The following PCDHGA6 variants were observed in gnomAD, a reference collection of about 807,000 sequenced individuals.
PCDHGA6 encodes protocadherin gamma subfamily A, 6.
PCDHGA6 carries 41 observed loss-of-function variants against 60.6 expected under a neutral mutation model. The ratio of observed to expected loss-of-function variants is 0.68; its 90% confidence interval spans 0.53 to 0.88. PCDHGA6 has a LOEUF of 0.88. Ranked by LOEUF, PCDHGA6 falls within the 40% of genes least tolerant of loss-of-function variation. PCDHGA6 has a pLI of 0.00. For missense variants in PCDHGA6, 1,312 were observed against 1,203.0 expected, an observed-to-expected ratio of 1.09 and a Z score of -1.34; for synonymous variants, 594 against 524.4, an observed-to-expected ratio of 1.13 and a Z score of -1.81.
chr5:141,485,279 C>T lies in PCDHGA6; in HGVS notation c.2425-9528C>T. 1 of 1,614,108 alleles carries T rather than the reference C, an allele frequency of 6.2e-7. No individual in the cohort carries two copies. Among genetic ancestry groups the T allele is most frequent in the Non-Finnish European group, 8.5e-7 (1 of 1,179,966 alleles). ...TTGTGGGCAGATCCGCTACCCGGTC[C>T]CAGAGGAGTCACAGGAAGGGACTTT... On this transcript the variant is annotated intron_variant, in intron 1 of 3. Transcript: ENST00000517434. The surrounding 1 kb of genome is among the most constrained non-coding windows in gnomAD (Gnocchi z 5.7).
chr5:141,431,066 CAATT>C lies in PCDHGA6; in HGVS notation c.2424+54562_2424+54565del, dbSNP rs762972663. ...GCTCTGTATGGGGGCCATCAAGTGT[CAATT>C]AAATCTAGACATTCTGATGGAGGAT... On this transcript the variant is annotated intron_variant, in intron 1 of 3. Transcript: ENST00000517434. This position sits in a 1 kb window ranked among gnomAD's most constrained non-coding sequence, Gnocchi z 4.8. 9 of 1,614,042 alleles carry C rather than the reference CAATT, an allele frequency of 5.6e-6. No individual in the cohort carries two copies. The East Asian group carries it at 2.0e-4, about 36-fold the overall frequency.
intron 1 of PCDHGA6, chr5:141,409,819 G>A (rs781534809): frequency 1.2e-6 from 2 of 1,610,356 alleles, no homozygotes; most frequent in African/African-American, 2.7e-5. Context: ...ACCACGGCTC[G>A]CCCACGCTCA....
chr5:141,510,978 G>A lies in PCDHGA6; in HGVS notation c.2604G>A (p.Gly868=), dbSNP rs2099883535. 1.2e-6 allele frequency: 2 copies of A among 1,614,160 alleles called. No homozygotes were observed. The change falls in exon 4 of 4, where the codon GGG becomes GGA. Residue 868 remains glycine, a synonymous_variant. Transcript: ENST00000517434. The part of the protein sequence containing the change: ...EAADGSSTLG[G]GAGTMGLSAR... Reference sequence around the variant, plus strand: ...CTGATGGGAGCTCCACCCTGGGAGGGGGTGCCGGCACCATGGGATTGAGCG... The same window carrying A: ...CTGATGGGAGCTCCACCCTGGGAGGAGGTGCCGGCACCATGGGATTGAGCG...
Position 141,376,190 on chromosome 5 carries a change from G to T in PCDHGA6, c.2107G>T (p.Val703Phe). 1 of 1,614,116 alleles carries T rather than the reference G, an allele frequency of 6.2e-7. No individual in the cohort carries two copies. The highest frequency in any genetic ancestry group is 1.3e-5 in the African/African-American group (1 of 75,044). Residue 703 changes from valine to phenylalanine, a missense_variant, in exon 1 of 4, where the codon GTC becomes TTC. Val to Phe is a conservative substitution (Grantham distance 50). Coordinates refer to ENST00000517434, the MANE Select transcript of PCDHGA6 (RefSeq NM_018919.3). ...LVVAVAAVSCVFLAFVIVLLA... is the reference protein window; with the variant it reads ...LVVAVAAVSCFFLAFVIVLLA... ...GGTGGCGGTGGCCGCGGTCTCCTGC[G>T]TCTTCCTGGCCTTCGTCATCGTGCT...
At chr5:141,463,692 C>A (rs1482988660) in intron 1 of PCDHGA6, among the ~76,000 whole-genome samples, 2 of 151,934 alleles carry the variant, frequency 1.3e-5, no homozygotes, top group Non-Finnish European at 2.9e-5. Flanking sequence ...GTGATCTGCT[C>A]ACCTCGGCCT....
chr5:141,391,570 A>G (rs931571256), intron 1 of PCDHGA6: 4 of 152,236 alleles, frequency 2.6e-5, no homozygotes, highest in African/African-American at 7.2e-5. Context: ...TGCATAAGAA[A>G]ATATATTCAC....
intron 1 of PCDHGA6, chr5:141,419,955 T>C: frequency 1.9e-6 from 3 of 1,614,096 alleles, no homozygotes; most frequent in Non-Finnish European, 2.5e-6. Flanking sequence ...TTGGCCTTGA[T>C]TTCTGTGCTC....
rs1188870363 is a variant in PCDHGA6 at position 141,490,058 on chromosome 5, C to T, written c.2425-4749C>T. ...AATGCCACTGATCCAGACGAGGGCA[C>T]CAACGGCCAACTAGACTATTCTTTT... On this transcript the variant is annotated intron_variant, in intron 1 of 3. Coordinates refer to ENST00000517434, the MANE Select transcript of PCDHGA6 (RefSeq NM_018919.3). The surrounding 1 kb of genome is among the most constrained non-coding windows in gnomAD (Gnocchi z 5.4). The T allele has an allele frequency of 6.2e-7, 1 of 1,614,230 alleles. No individual in the cohort carries two copies. Among genetic ancestry groups the T allele is most frequent in the South Asian group, 1.1e-5 (1 of 91,084 alleles).
Position 141,393,932 on chromosome 5 carries a change from C to A in PCDHGA6, c.2424+17425C>A, listed in dbSNP as rs758815375. 2.7e-5 allele frequency: 44 copies of A among 1,613,798 alleles called. No individual in the cohort carries two copies. Among genetic ancestry groups the A allele is most frequent in the Non-Finnish European group, 3.6e-5 (43 of 1,179,882 alleles). On this transcript the variant is annotated intron_variant, in intron 1 of 3. Coordinates refer to ENST00000517434, the MANE Select transcript of PCDHGA6 (RefSeq NM_018919.3). Reference sequence around the variant, plus strand: ...TAATTGCCTTCTTGAGTGTGCATGACCAAGACTCTGGAAAGAATGGTCAAG... The same window carrying A: ...TAATTGCCTTCTTGAGTGTGCATGAACAAGACTCTGGAAAGAATGGTCAAG...
intron 1 of PCDHGA6, chr5:141,383,974 GAC>G: frequency 6.2e-7 from 1 of 1,613,818 alleles, no homozygotes; most frequent in Non-Finnish European, 8.5e-7. Flanking sequence ...AATCCCTGAA[GAC>G]ACACCTCTTG....
Position 141,485,436 on chromosome 5 carries a change from A to G in PCDHGA6, c.2425-9371A>G, listed in dbSNP as rs2099613369. On this transcript the variant is annotated intron_variant, in intron 1 of 3. Transcript: ENST00000517434. This position sits in a 1 kb window ranked among gnomAD's most constrained non-coding sequence, Gnocchi z 5.7. ...GACAGCGGAGCCCTGCTCATCAAGA[A>G]CCCAATCGACCGAGAGGCACTGTGT... 1.9e-6 allele frequency: 3 copies of G among 1,614,092 alleles called. No individual in the cohort carries two copies. The highest frequency in any genetic ancestry group is 2.7e-5 in the African/African-American group (2 of 74,934).
At chr5:141,381,785 G>A (rs1349926565) in intron 1 of PCDHGA6, among the ~76,000 whole-genome samples, 1 of 149,782 alleles carries the variant, frequency 6.7e-6, no homozygotes, top group Non-Finnish European at 1.5e-5. Context: ...CAGGAACAAG[G>A]CAAGGCAATT....
At chr5:141,384,694 G>A (rs772190655) in intron 1 of PCDHGA6, 1 of 1,614,084 alleles carries the variant, frequency 6.2e-7, no homozygotes, top group Non-Finnish European at 8.5e-7. Context: ...CAAAGATTCA[G>A]GCCAGAACGC....
chr5:141,425,576 G>A (rs2096883993), intron 1 of PCDHGA6, among the ~76,000 whole-genome samples: 1 of 152,166 alleles, frequency 6.6e-6, no homozygotes, highest in Non-Finnish European at 1.5e-5. Flanking sequence ...GAAGGGTTTG[G>A]CTAACTTTAT....
chr5:141,509,060 T>G (rs2099874519), intron 3 of PCDHGA6, among the ~76,000 whole-genome samples: 1 of 152,216 alleles, frequency 6.6e-6, no homozygotes, highest in Middle Eastern at 3.4e-3. Flanking sequence ...CAGAAAGCTC[T>G]CAGCTCCGGG....
At chr5:141,426,423 G>T in intron 1 of PCDHGA6, 1 of 290,954 alleles carries the variant, frequency 3.4e-6, no homozygotes, top group Non-Finnish European at 6.8e-6. Context: ...AGGGCTCCGT[G>T]GTGGGGAACC....
At chr5:141,409,438 A>C (rs1459982502) in intron 1 of PCDHGA6, 1 of 1,613,866 alleles carries the variant, frequency 6.2e-7, no homozygotes, top group Non-Finnish European at 8.5e-7. Context: ...CCCTGGACCG[A>C]GAGCAGACAC....
chr5:141,422,355 T>A, intron 1 of PCDHGA6: 1 of 1,557,416 alleles, frequency 6.4e-7, no homozygotes, highest in Non-Finnish European at 8.6e-7. Flanking sequence ...AAGATCAAGA[T>A]TCTGGAGAAA....
intron 1 of PCDHGA6, chr5:141,393,544 A>T: frequency 6.2e-7 from 1 of 1,613,800 alleles, no homozygotes; most frequent in East Asian, 2.2e-5. Context: ...GTTTTTCCTC[A>T]CCCGATTTAC....
Sources: gnomAD v4.1 joint callset for allele counts (sites outside exome capture counted in the v4.1 genomes callset) on GRCh38, gnomAD v4.1.1 for gene constraint, Gnocchi (gnomAD v3.1) non-coding constraint, MANE v1.5 for transcripts, NCBI Gene and HGNC (gene_info 2026-07-23, HGNC 2026-07-21) for gene names.